Variants in CRHR2 observed in about 807,000 individuals in gnomAD.
The protein encoded by CRHR2 is corticotropin-releasing hormone receptor 2.
CRHR2 carries 53 observed loss-of-function variants against 57.9 expected under a neutral mutation model. The ratio of observed to expected loss-of-function variants is 0.92; its 90% confidence interval spans 0.73 to 1.15. The LOEUF is 1.15. Ranked by LOEUF, CRHR2 falls within the 50% of genes most tolerant of loss-of-function variation. CRHR2 has a pLI of 0.00. For missense variants in CRHR2, 532 were observed against 542.6 expected (o/e 0.98, Z 0.19); for synonymous variants, 213 against 220.9 (o/e 0.96, Z 0.32).
At chr7:30,685,558 G>C (rs901294590), upstream of CRHR2, among the ~76,000 whole-genome samples, 20 of 152,102 alleles carry the variant, frequency 1.3e-4, no homozygotes, top group Admixed American at 6.5e-5. Context: ...TGTAGCACTG[G>C]AGACAGGGGT....
chr7:30,662,589 G>A (rs1285182612), intron 6 of CRHR2, 105 bp downstream of exon 6: 2 of 1,415,292 alleles, frequency 1.4e-6, no homozygotes, highest in Non-Finnish European at 1.9e-6. Flanking sequence ...TGCGCTGGGG[G>A]TGGAGGGCAG....
chr7:30,673,154 C>G (rs1282096233), intron 2 of CRHR2, among the ~76,000 whole-genome samples: 1 of 152,182 alleles, frequency 6.6e-6, no homozygotes, highest in East Asian at 1.9e-4. Context: ...ATCTTCTTGT[C>G]TGGCCTGGGG....
upstream of CRHR2, chr7:30,682,532 G>T: frequency 1.6e-6 from 2 of 1,248,862 alleles, no homozygotes; most frequent in Non-Finnish European, 2.0e-6. Context: ...CAATGGCTGC[G>T]CCGGGGGGCG....
At position 30,655,586 on chromosome 7, in the gene CRHR2, C is replaced by T. The variant is rs2240403; in HGVS notation, c.1047G>A (p.Ser349=). Residue 349 remains serine, a synonymous_variant, in exon 10 of 12, where the codon TCG becomes TCA. Coordinates refer to ENST00000471646, the MANE Select transcript of CRHR2 (RefSeq NM_001883.5). ...MFIYFNSFLQ[S]FQGFFVSVFY... ...ATCTGGTCACAGGCCCCACCTGGAA[C>T]GACTGCAGGAAGGAGTTGAAATAGA... The T allele has an allele frequency of 0.097, 156,261 of 1,611,880 alleles. 8,740 individuals are homozygous for T. The highest frequency in any genetic ancestry group is 0.19 in the East Asian group (8,554 of 44,860).
chr7:30,688,992 C>T (rs922134931), intron 2 of CRHR2: 58 of 664,288 alleles, frequency 8.7e-5, no homozygotes, highest in Middle Eastern at 4.7e-4. Context: ...CCTTCATTAT[C>T]AGTGGCAAGC....
intron 5 of CRHR2, 89 bp from the exon 6 acceptor site, chr7:30,662,936 C>T (rs1213224439): frequency 1.3e-6 from 2 of 1,499,248 alleles, no homozygotes; most frequent in African/African-American, 1.4e-5. Flanking sequence ...AGACACAGGG[C>T]TCCCCAAAGG....
intron 1 of CRHR2, among the ~76,000 whole-genome samples, chr7:30,692,430 C>T (rs900093700): frequency 6.6e-6 from 1 of 152,216 alleles, no homozygotes; most frequent in Non-Finnish European, 1.5e-5. Flanking sequence ...GAGCTCGCCC[C>T]TCAGCGGTGC....
chr7:30,698,738 G>A (rs1013992214), intron 1 of CRHR2, among the ~76,000 whole-genome samples: 11 of 152,286 alleles, frequency 7.2e-5, no homozygotes, highest in South Asian at 6.2e-4. Flanking sequence ...TATCTGTGGC[G>A]GCTGGCACAA....
chr7:30,683,484 C>T (rs1033903563), upstream of CRHR2, among the ~76,000 whole-genome samples: 1 of 152,160 alleles, frequency 6.6e-6, no homozygotes, highest in Non-Finnish European at 1.5e-5. Context: ...CCTCAGAGTG[C>T]CCAGGGCGGG....
intron 1 of CRHR2, among the ~76,000 whole-genome samples, chr7:30,696,889 A>G (rs1785067571): frequency 6.6e-6 from 1 of 152,170 alleles, no homozygotes; most frequent in Admixed American, 6.5e-5. Flanking sequence ...AGTGCTGCAA[A>G]TTTGAGATTT....
rs1403303000 is a variant in CRHR2 at position 30,662,777 on chromosome 7, T to C, written c.614A>G (p.Glu205Gly). The C allele has an allele frequency of 6.2e-7, 1 of 1,614,174 alleles. No homozygotes were observed. Among genetic ancestry groups the C allele is most frequent in the Admixed American group, 1.7e-5 (1 of 60,038 alleles). The stretch of plus-strand genomic sequence containing the variant: ...AATGGCCGTGTGCAGGTAGCAGCCT[T>C]CCACAAACATCCAGAAGAAGTTGGT... ...VVTNFFWMFVEGCYLHTAIVM... is the reference protein window; with the variant it reads ...VVTNFFWMFVGGCYLHTAIVM... The change falls in exon 6 of 12, where the codon GAA becomes GGA. Residue 205 changes from glutamate to glycine, a missense_variant. Glu to Gly is a moderately conservative substitution (Grantham distance 98). Transcript: ENST00000471646.
chr7:30,658,441 G>A (rs548970098), intron 8 of CRHR2, among the ~76,000 whole-genome samples: 91 of 152,302 alleles, frequency 6.0e-4, no homozygotes, highest in Non-Finnish European at 9.8e-4. Context: ...GGGGCCTGGA[G>A]GGGTTGGGGG....
In CRHR2 at chr7:30,696,970, A is replaced by G. The variant is rs1785068881; in HGVS notation, c.-261+2974T>C. On this transcript the variant is annotated intron_variant, in intron 1 of 13. Coordinates refer to the CRHR2 transcript ENST00000341843. ...AAAAAAAAATACTGAAACACCAACA[A>G]AATGGCAAAACTAGAGACTAAATTA... 1.3e-5 allele frequency among the ~76,000 whole-genome samples: 2 copies of G among 152,228 alleles called. 1 individual carries two copies. Among genetic ancestry groups the G allele is most frequent in the Admixed American group, 1.3e-4 (2 of 15,290 alleles).
intron 9 of CRHR2, 91 bp downstream of exon 9, chr7:30,655,836 C>T (rs1289291267): frequency 3.1e-6 from 5 of 1,594,616 alleles, no homozygotes; most frequent in Non-Finnish European, 4.3e-6. Flanking sequence ...CTGGGTGAGG[C>T]CTGGGGCAGA....
intron 11 of CRHR2, among the ~76,000 whole-genome samples, chr7:30,654,160 G>C (rs894689661): frequency 1.3e-5 from 2 of 152,146 alleles, no homozygotes; most frequent in African/African-American, 4.8e-5. Flanking sequence ...GGCTCTACCC[G>C]GTGCCATTTA....
chr7:30,687,987 A>G (rs987005456), intron 2 of CRHR2, among the ~76,000 whole-genome samples: 1 of 152,370 alleles, frequency 6.6e-6, no homozygotes, highest in African/African-American at 2.4e-5. Context: ...AACTAGCTTC[A>G]GATGGTGTCA....
In CRHR2 at chr7:30,693,759, G is replaced by A. The variant is rs183130173; in HGVS notation, c.-260-4475C>T. 2.5e-4 allele frequency among the ~76,000 whole-genome samples: 35 copies of A among 139,020 alleles called. No individual in the cohort carries two copies. The East Asian group carries it at 6.6e-3, about 26-fold the overall frequency. The allele number at this position is 139,020 out of a possible 152,430, so 91.2% of individuals were successfully genotyped here. On this transcript the variant is annotated intron_variant, in intron 1 of 13. Transcript: ENST00000341843. ...CTGTGGAGGCTGATGCCAACTCCAG[G>A]AAGATAGCATCAGAATTGAATTGAA...
intron 2 of CRHR2, among the ~76,000 whole-genome samples, chr7:30,678,108 C>G (rs548895982): frequency 3.4e-4 from 52 of 152,274 alleles, no homozygotes; most frequent in African/African-American, 1.2e-3. Context: ...CAGCTCTGCC[C>G]TGTGTTCTTG....
At chr7:30,657,906 A>G (rs1370839888) in intron 8 of CRHR2, among the ~76,000 whole-genome samples, 3 of 152,074 alleles carry the variant, frequency 2.0e-5, no homozygotes, top group Non-Finnish European at 4.4e-5. Flanking sequence ...CCATCTACCC[A>G]TCCATCTACC....
Sources: gnomAD v4.1 joint callset for allele counts (sites outside exome capture counted in the v4.1 genomes callset) on GRCh38, gnomAD v4.1.1 for gene constraint, MANE v1.5 for transcripts, NCBI Gene and HGNC (gene_info 2026-07-23, HGNC 2026-07-21) for gene names.